The following R3HCC1L variants were observed in gnomAD, a reference collection of about 807,000 sequenced individuals.
R3HCC1L encodes coiled-coil domain-containing protein R3HCC1L.
A neutral mutation model predicts 59.9 loss-of-function variants in R3HCC1L; 51 were observed. That is an observed-to-expected ratio of 0.85 (90% CI 0.68 to 1.07). The LOEUF (loss-of-function observed/expected upper bound fraction) is 1.07, where lower values mean the gene tolerates loss of function less well. Ranked by LOEUF, R3HCC1L falls within the 50% of genes least tolerant of loss-of-function variation. The pLI is 0.00. For synonymous variants in R3HCC1L, 322 were observed against 315.2 expected (o/e 1.02, Z -0.23); for missense variants, 965 against 933.0 (o/e 1.03, Z -0.45).
Position 98,209,345 on chromosome 10 carries a change from A to C in R3HCC1L, c.1231A>C (p.Ser411Arg), listed in dbSNP as rs554469459. The change falls in exon 5 of 10, where the codon AGT (serine) becomes CGT (arginine). Residue 411 changes from serine to arginine, a missense_variant. Transcript: ENST00000298999. ...TGATGAGACCTCTATTAATACACGA[A>C]GTTTCTCAAAGTTTGTAGGAATGAG... The part of the protein sequence containing the change: ...IADETSINTR[S>R]FSKFVGMSAD... The C allele has an allele frequency of 1.2e-6, 2 of 1,614,002 alleles. No individual in the cohort carries two copies. Among genetic ancestry groups the C allele is most frequent in the African/African-American group, 1.3e-5 (1 of 75,018 alleles).
At chr10:98,219,614 A>G (rs974579803) in intron 5 of R3HCC1L, among the ~76,000 whole-genome samples, 4 of 151,992 alleles carry the variant, frequency 2.6e-5, no homozygotes, top group Admixed American at 1.3e-4. Flanking sequence ...TTCTGCTTTC[A>G]TGTGTTTTTA....
intron 4 of R3HCC1L, among the ~76,000 whole-genome samples, chr10:98,200,056 A>T (rs916248921): frequency 6.6e-6 from 1 of 151,952 alleles, no homozygotes; most frequent in Non-Finnish European, 1.5e-5. Context: ...TTATTCTATC[A>T]TCGTCCTTCT....
At chr10:98,223,484 A>G (rs1253504778) in intron 5 of R3HCC1L, among the ~76,000 whole-genome samples, 4 of 151,566 alleles carry the variant, frequency 2.6e-5, no homozygotes, top group African/African-American at 9.7e-5. Flanking sequence ...CTGTGCATCT[A>G]GTATAATAGT....
intron 7 of R3HCC1L, 21 bp from the exon 8 acceptor site, chr10:98,235,404 T>G: frequency 6.3e-7 from 1 of 1,599,122 alleles, no homozygotes. Flanking sequence ...GTCTTCTGCT[T>G]CCTTTTATTC....
chr10:98,208,370 A>G lies in R3HCC1L; in HGVS notation c.256A>G (p.Lys86Glu). Residue 86 changes from lysine to glutamate, a missense_variant, in exon 5 of 10, where the codon AAG becomes GAG. Coordinates refer to ENST00000298999, the MANE Select transcript of R3HCC1L (RefSeq NM_001351015.2). The stretch of plus-strand genomic sequence containing the variant: ...AAAGGAGCATAATTGTAGAGAAGAA[A>G]AGAAATCTTCAACAAAATTAAGAAT... ...DRKEHNCREEKKSSTKLRMDT... is the reference protein window; with the variant it reads ...DRKEHNCREEEKSSTKLRMDT... The G allele has an allele frequency of 6.2e-7, 1 of 1,614,058 alleles. No individual in the cohort carries two copies. The highest frequency in any genetic ancestry group is 1.1e-5 in the South Asian group (1 of 91,078).
Position 98,231,638 on chromosome 10 carries a change from C to A in R3HCC1L, c.1912C>A (p.Pro638Thr), listed in dbSNP as rs745765545. Residue 638 changes from proline (P) to threonine (T), a missense_variant, in exon 6 of 10, where the codon CCC becomes ACC. Transcript: ENST00000298999. ...FPHVIEIYDF[P>T]QEFHTEDLLR... is the part of the protein sequence containing the mutation. ...ACATGTCATTGAAATTTATGACTTT[C>A]CCCAAGAATTTCATACTGAAGACCT... is the stretch of plus-strand genomic sequence containing the variant. 18 of 1,612,524 alleles carry A rather than the reference C, an allele frequency of 1.1e-5. No individual in the cohort carries two copies. The East Asian group carries it at 3.1e-4, about 28-fold the overall frequency.
chr10:98,150,655 C>T (rs114714992), intron 1 of R3HCC1L, among the ~76,000 whole-genome samples: 3,545 of 152,172 alleles, frequency 0.023, 117 homozygotes, highest in African/African-American at 0.076. Flanking sequence ...GGAGATATTC[C>T]AGTAGTGTGA....
chr10:98,218,608 G>A (rs1333424412), intron 5 of R3HCC1L, among the ~76,000 whole-genome samples: 5 of 151,958 alleles, frequency 3.3e-5, no homozygotes, highest in African/African-American at 4.8e-5. Flanking sequence ...CTAATTCTTC[G>A]AGGTGCTTCA....
chr10:98,153,738 T>A (rs1449451373), intron 1 of R3HCC1L, among the ~76,000 whole-genome samples: 1 of 150,932 alleles, frequency 6.6e-6, no homozygotes, highest in Admixed American at 6.6e-5. Context: ...AAACAGGATC[T>A]AAGGTCATGC....
intron 4 of R3HCC1L, among the ~76,000 whole-genome samples, chr10:98,183,835 A>G (rs1349894830): frequency 6.6e-6 from 1 of 152,032 alleles, no homozygotes; most frequent in Non-Finnish European, 1.5e-5. Flanking sequence ...CTGCGTATGC[A>G]TATTATCTAC....
At chr10:98,198,389 A>C (rs1342991512) in intron 4 of R3HCC1L, among the ~76,000 whole-genome samples, 2 of 152,114 alleles carry the variant, frequency 1.3e-5, no homozygotes, top group African/African-American at 4.8e-5. Flanking sequence ...GGACTAGGAC[A>C]TCTCTTAGTT....
At chr10:98,208,002 G>A in intron 4 of R3HCC1L, 99 bp from the exon 5 acceptor site, 1 of 1,127,684 alleles carries the variant, frequency 8.9e-7, no homozygotes, top group African/African-American at 1.6e-5. Flanking sequence ...TCTAGCCTGG[G>A]TGACAGTGTG....
chr10:98,233,357 G>A (rs113927512), intron 6 of R3HCC1L, among the ~76,000 whole-genome samples: 1,667 of 152,122 alleles, frequency 0.011, 40 homozygotes, highest in African/African-American at 0.038. Context: ...AGTATAAAAG[G>A]CCCTCTAGAA....
intron 9 of R3HCC1L, among the ~76,000 whole-genome samples, chr10:98,236,593 A>G (rs1307831810): frequency 6.6e-6 from 1 of 152,254 alleles, no homozygotes; most frequent in Non-Finnish European, 1.5e-5. Flanking sequence ...AGGAAAAGCC[A>G]GCAACTGACG....
At position 98,172,503 on chromosome 10, in the gene R3HCC1L, A is replaced by G. The variant is rs980920163; in HGVS notation, c.-15+9106A>G. On this transcript the variant is annotated intron_variant, in intron 4 of 9. Transcript: ENST00000298999. ...TTACTGGGCTTCTGACCGCTGAAAT[A>G]TGGCTTGGATCGATGGTGGTTTGGA... Among the ~76,000 whole-genome samples, 8 of 152,322 alleles carry G rather than the reference A, an allele frequency of 5.3e-5. No individual in the cohort carries two copies. In the South Asian group the frequency reaches 8.3e-4, roughly 16 times the overall value.
chr10:98,221,524 A>C (rs1415877023), intron 5 of R3HCC1L, among the ~76,000 whole-genome samples: 1 of 151,784 alleles, frequency 6.6e-6, no homozygotes, highest in Non-Finnish European at 1.5e-5. Context: ...CTAACGTTTA[A>C]GTCTTTAATC....
At chr10:98,183,973 T>C (rs1394731860) in intron 4 of R3HCC1L, among the ~76,000 whole-genome samples, 1 of 128,988 alleles carries the variant, frequency 7.8e-6, no homozygotes, top group Non-Finnish European at 1.7e-5. Context: ...TTTTTTTTTT[T>C]GGTTGAAATC....
At chr10:98,215,624 T>C (rs1159706139) in intron 5 of R3HCC1L, among the ~76,000 whole-genome samples, 1 of 152,164 alleles carries the variant, frequency 6.6e-6, no homozygotes, top group Non-Finnish European at 1.5e-5. Flanking sequence ...ACCAAAAATC[T>C]TTGTTGCAGA....
At chr10:98,232,296 A>G (rs555871387) in intron 6 of R3HCC1L, among the ~76,000 whole-genome samples, 2 of 152,214 alleles carry the variant, frequency 1.3e-5, no homozygotes, top group South Asian at 4.1e-4. Flanking sequence ...GGCCTCAACT[A>G]AGTTTTTATA....
Sources: gnomAD v4.1 joint callset for allele counts (sites outside exome capture counted in the v4.1 genomes callset) on GRCh38, gnomAD v4.1.1 for gene constraint, MANE v1.5 for transcripts, NCBI Gene and HGNC (gene_info 2026-07-23, HGNC 2026-07-21) for gene names.